The following TLCD3A variants were observed in gnomAD, a reference collection of about 807,000 sequenced individuals.
TLCD3A encodes TLC domain containing 3A, also known as TLC domain-containing protein 3A.
A neutral mutation model predicts 29.9 loss-of-function variants in TLCD3A; 17 were observed. That is an observed-to-expected ratio of 0.57 (90% CI 0.39 to 0.85). The LOEUF (loss-of-function observed/expected upper bound fraction) is 0.85, where lower values mean the gene tolerates loss of function less well. Ranked by LOEUF, TLCD3A falls within the 40% of genes least tolerant of loss-of-function variation. The pLI is 0.00. For missense variants in TLCD3A, 332 were observed against 350.8 expected, an observed-to-expected ratio of 0.95 and a Z score of 0.43; for synonymous variants, 143 against 147.7, an observed-to-expected ratio of 0.97 and a Z score of 0.23.
At position 732,783 on chromosome 17, in the gene TLCD3A, C is replaced by G. The variant is rs1974089006; in HGVS notation, c.122+14C>G. The G allele has an allele frequency of 5.5e-6, 8 of 1,444,022 alleles. No individual in the cohort carries two copies. Among genetic ancestry groups the G allele is most frequent in the Non-Finnish European group, 6.4e-6 (7 of 1,100,060 alleles). The allele number at this position is 1,444,022 out of a possible 1,614,324, so 89.5% of individuals were successfully genotyped here. On this transcript the variant is annotated intron_variant, in intron 1 of 4. Transcript: ENST00000308278. ...GATCAGCACCAGGTACCGGCGCCGC[C>G]GAGACGCCCCCCGAGGCCCGGGGCG...
At chr17:739,637 C>T (rs1372319139) in intron 3 of TLCD3A, among the ~76,000 whole-genome samples, 3 of 152,252 alleles carry the variant, frequency 2.0e-5, no homozygotes, top group African/African-American at 7.2e-5. Context: ...CGCGCCCTGC[C>T]AGGCATGTGA....
chr17:739,693 T>C (rs1368778299), intron 3 of TLCD3A, among the ~76,000 whole-genome samples: 1 of 152,198 alleles, frequency 6.6e-6, no homozygotes, highest in Non-Finnish European at 1.5e-5. Context: ...ATTAGTCTTA[T>C]GCTGTAGATG....
intron 3 of TLCD3A, among the ~76,000 whole-genome samples, chr17:738,402 G>GAGCTA (rs1974198170): frequency 1.3e-5 from 2 of 151,968 alleles, no homozygotes; most frequent in East Asian, 3.9e-4. Flanking sequence ...GGCCTGAGCT[G>GAGCTA]GATGTCTTGA....
chr17:734,904 A>C (rs1236651756), intron 2 of TLCD3A, among the ~76,000 whole-genome samples: 1 of 151,536 alleles, frequency 6.6e-6, no homozygotes, highest in Non-Finnish European at 1.5e-5. Context: ...GCTGGTCTGA[A>C]CTCCTGGGCT....
intron 2 of TLCD3A, among the ~76,000 whole-genome samples, chr17:733,964 G>T (rs900254545): frequency 6.6e-6 from 1 of 152,188 alleles, no homozygotes; most frequent in Admixed American, 6.6e-5. Flanking sequence ...TGCTGAGACT[G>T]AACTGCGAGG....
rs1974266000 is a variant in TLCD3A at position 742,065 on chromosome 17, T to C, written c.*495T>C. On this transcript the variant is annotated 3_prime_UTR_variant, in exon 5 of 5. Coordinates refer to ENST00000308278, the MANE Select transcript of TLCD3A (RefSeq NM_024792.3). ...ACAATCATTGTGGGTAGGTAGTTAT[T>C]GATCGTTTACTAGATAACCCATTGG... The C allele has an allele frequency of 5.8e-6, 1 of 171,202 alleles. No individual in the cohort carries two copies. The highest frequency in any genetic ancestry group is 1.3e-5 in the Non-Finnish European group (1 of 79,674). The allele number at this position is 171,202 out of a possible 1,614,324, so 10.6% of individuals were successfully genotyped here. A position where few individuals can be genotyped will look rare whatever the true frequency, so the allele number is the denominator to read the frequency against.
In TLCD3A at chr17:741,295, T is replaced by C. The variant is rs771825117; in HGVS notation, c.505-6T>C. On this transcript the variant is annotated splice_polypyrimidine_tract_variant and splice_region_variant and intron_variant, in intron 4 of 4. Coordinates refer to ENST00000308278, the MANE Select transcript of TLCD3A (RefSeq NM_024792.3). ...CCTTACCTTTTTCCTTCCTCTTCTA[T>C]TGCAGCTAAAGCAGCAGCACACCCT... The C allele has an allele frequency of 2.5e-6, 4 of 1,613,610 alleles. No individual in the cohort carries two copies. Among genetic ancestry groups the C allele is most frequent in the Non-Finnish European group, 3.4e-6 (4 of 1,179,676 alleles).
chr17:740,812 G>C (rs1974241699), intron 4 of TLCD3A, among the ~76,000 whole-genome samples: 1 of 152,128 alleles, frequency 6.6e-6, no homozygotes, highest in South Asian at 2.1e-4. Flanking sequence ...AAGAGTGTGG[G>C]AGGGAGTGGA....
At chr17:740,752 G>A (rs1974239770) in intron 4 of TLCD3A, 152 bp downstream of exon 4, 1 of 804,284 alleles carries the variant, frequency 1.2e-6, no homozygotes, top group East Asian at 2.6e-5. Flanking sequence ...TGAATGAATG[G>A]CAGAGAGAGT....
chr17:737,688 TGA>T (rs1457566027), intron 2 of TLCD3A, among the ~76,000 whole-genome samples, 156 bp from the exon 3 acceptor site: 2 of 152,300 alleles, frequency 1.3e-5, no homozygotes, highest in Non-Finnish European at 2.9e-5. Flanking sequence ...GCCCTGAAAC[TGA>T]GAGCAAGTGG....
intron 3 of TLCD3A, 70 bp from the exon 4 acceptor site, chr17:740,435 T>G: frequency 1.7e-6 from 2 of 1,160,412 alleles, no homozygotes; most frequent in South Asian, 2.4e-5. Flanking sequence ...TCAGTAGCCC[T>G]CGTTGGAATT....
At position 738,002 on chromosome 17, in the gene TLCD3A, C is replaced by T. The variant is rs1974185099; in HGVS notation, c.363C>T (p.Ile121=). Residue 121 remains isoleucine (I), a synonymous_variant, in exon 3 of 5, where the codon ATC becomes ATT. Transcript: ENST00000308278. ...TCCTAAGTCGAAACCGCCTCATGAT[C>T]ACACATCATGCGGTCATTCTCTTTG... The part of the protein sequence containing the change: ...RNFLSRNRLM[I]THHAVILFVL... The T allele has an allele frequency of 1.9e-6, 3 of 1,609,760 alleles. No individual in the cohort carries two copies. Among genetic ancestry groups the T allele is most frequent in the Non-Finnish European group, 2.5e-6 (3 of 1,177,486 alleles).
chr17:733,068 C>A (rs1974099982), intron 1 of TLCD3A, 30 bp from the exon 2 acceptor site: 2 of 1,518,338 alleles, frequency 1.3e-6, no homozygotes, highest in Admixed American at 2.0e-5. Context: ...CCGGACTGAG[C>A]GCGCGCGCTG....
intron 2 of TLCD3A, among the ~76,000 whole-genome samples, chr17:736,958 G>A (rs956035537): frequency 6.7e-6 from 1 of 149,888 alleles, no homozygotes; most frequent in Non-Finnish European, 1.5e-5. Flanking sequence ...CCAGCCTCCA[G>A]ACCTGTTTTT....
intron 4 of TLCD3A, 79 bp from the exon 5 acceptor site, chr17:741,222 G>T: frequency 6.9e-7 from 1 of 1,459,084 alleles, no homozygotes; most frequent in Non-Finnish European, 9.5e-7. Flanking sequence ...GGCATTTACT[G>T]TGGTGGGACT....
At chr17:736,486 T>C (rs1974155319) in intron 2 of TLCD3A, among the ~76,000 whole-genome samples, 1 of 152,236 alleles carries the variant, frequency 6.6e-6, no homozygotes, top group African/African-American at 2.4e-5. Context: ...CCTTCTAATC[T>C]GCTCTAGGAC....
In TLCD3A at chr17:732,957, C is replaced by A. The variant is rs764110586; in HGVS notation, c.123-141C>A. The A allele has an allele frequency of 2.2e-6, 3 of 1,362,752 alleles. No homozygotes were observed. The South Asian group carries it at 4.1e-5, about 19-fold the overall frequency. The allele number at this position is 1,362,752 out of a possible 1,614,324, so 84.4% of individuals were successfully genotyped here. On this transcript the variant is annotated intron_variant, in intron 1 of 4. Transcript: ENST00000308278. Reference sequence around the variant, plus strand: ...CTGGCGGGAGCGGGGCCGGGGCGGGCGGGAATGGCCGATGAGCCTCCGGAG... The same window carrying A: ...CTGGCGGGAGCGGGGCCGGGGCGGGAGGGAATGGCCGATGAGCCTCCGGAG...
Position 738,096 on chromosome 17 carries a change from C to CTT in TLCD3A, c.408+65_408+66dup, listed in dbSNP as rs371294933. The CTT allele has an allele frequency of 1.6e-3, 803 of 502,982 alleles. 4 individuals are homozygous for CTT. Among genetic ancestry groups the CTT allele is most frequent in the East Asian group, 4.8e-3 (85 of 17,802 alleles). 31.2% of individuals were successfully genotyped at this position (502,982 alleles called of 1,614,324 possible). On this transcript the variant is annotated intron_variant, in intron 3 of 4. Coordinates refer to ENST00000308278, the MANE Select transcript of TLCD3A (RefSeq NM_024792.3). Reference sequence around the variant, plus strand: ...CCAGCAGCTGGGTTGAGCTGGGTGTCTTTTTTTTTTTTTTTTTCTGAGACA... The same window carrying CTT: ...CCAGCAGCTGGGTTGAGCTGGGTGTCTTTTTTTTTTTTTTTTTTTCTGAGACA...
Position 740,528 on chromosome 17 carries a change from CT to C in TLCD3A, c.434del (p.Phe145SerfsTer11). 1 of 1,614,128 alleles carries C rather than the reference CT, an allele frequency of 6.2e-7. No homozygotes were observed. The highest frequency in any genetic ancestry group is 8.5e-7 in the Non-Finnish European group (1 of 1,179,994). On this transcript the variant is annotated frameshift_variant, in exon 4 of 5. Transcript: ENST00000308278. LOFTEE classifies it high-confidence loss of function. ...AGAGGCTCCGGGGAGACCTTGGGGA[CT>C]TCTTTGTCGGCTGCATCTTCACGGC... ...AQRLRGDLGD[F>X]FVGCIFTAEL... is the part of the protein sequence containing the mutation.
Sources: allele counts gnomAD v4.1 joint callset (sites outside exome capture counted in the v4.1 genomes callset), GRCh38; gene constraint gnomAD v4.1.1; transcripts MANE v1.5; gene names NCBI Gene and HGNC (gene_info 2026-07-23, HGNC 2026-07-21).